BMP6: variants seen among roughly 807,000 people sequenced by gnomAD.
The protein encoded by BMP6 is VG-1-R.
A neutral mutation model predicts 54.1 loss-of-function variants in BMP6; 17 were observed. That is an observed-to-expected ratio of 0.31 (90% CI 0.22 to 0.47). The LOEUF is 0.47. Among genes scored for constraint, BMP6 ranks in the 20% least tolerant of loss-of-function variants. The pLI is 1.00. For synonymous variants in BMP6, 328 were observed against 291.2 expected (o/e 1.13, Z -1.28); for missense variants, 720 against 690.4 (o/e 1.04, Z -0.48).
chr6:7,861,385 C>T, intron 2 of BMP6, 66 bp from the exon 3 acceptor site: 1 of 1,577,702 alleles, frequency 6.3e-7, no homozygotes, highest in South Asian at 1.2e-5. Flanking sequence ...GACGCTGAGA[C>T]AGGAAAGAGT....
intron 1 of BMP6, among the ~76,000 whole-genome samples, chr6:7,798,977 T>C (rs1758231990): frequency 1.3e-5 from 2 of 152,238 alleles, no homozygotes; most frequent in Admixed American, 6.5e-5. Flanking sequence ...TTACATCATT[T>C]TTAATTATTA....
At chr6:7,793,694 G>C (rs1758146603) in intron 1 of BMP6, among the ~76,000 whole-genome samples, 1 of 152,184 alleles carries the variant, frequency 6.6e-6, no homozygotes, top group Non-Finnish European at 1.5e-5. Flanking sequence ...TGCTCTAAAA[G>C]ATAAAGCCTA....
chr6:7,878,101 C>G (rs1457627245), intron 4 of BMP6, among the ~76,000 whole-genome samples: 1 of 152,146 alleles, frequency 6.6e-6, no homozygotes, highest in Non-Finnish European at 1.5e-5. Context: ...TCCTCTCACT[C>G]CCACTCTGAA....
chr6:7,748,507 G>C (rs1261777976), intron 1 of BMP6, among the ~76,000 whole-genome samples: 1 of 152,194 alleles, frequency 6.6e-6, no homozygotes, highest in Non-Finnish European at 1.5e-5. Flanking sequence ...ATATATGATG[G>C]ACCCTCTGGC....
intron 1 of BMP6, among the ~76,000 whole-genome samples, chr6:7,771,037 G>A (rs1325738138): frequency 6.6e-6 from 1 of 152,268 alleles, no homozygotes; most frequent in East Asian, 1.9e-4. Flanking sequence ...TTCAAGACTG[G>A]GTATAACTGA....
chr6:7,774,212 C>T (rs941000534), intron 1 of BMP6, among the ~76,000 whole-genome samples: 2 of 152,200 alleles, frequency 1.3e-5, no homozygotes, highest in African/African-American at 4.8e-5. Context: ...AGAGAAAATT[C>T]TCAGGTTGCT....
At position 7,880,465 on chromosome 6, in the gene BMP6, G is replaced by A. The variant is rs182720780; in HGVS notation, c.*122G>A. The A allele has an allele frequency of 3.0e-6, 4 of 1,318,984 alleles. No individual in the cohort carries two copies. The highest frequency in any genetic ancestry group is 4.2e-6 in the Non-Finnish European group (4 of 948,990). 81.7% of individuals were successfully genotyped at this position (1,318,984 alleles called of 1,614,324 possible). On this transcript the variant is annotated 3_prime_UTR_variant, in exon 7 of 7. Coordinates refer to ENST00000283147, the MANE Select transcript of BMP6 (RefSeq NM_001718.6). ...GAGACTTTGAAACTATCTCATGCCAGTGCCTTATTACCCAGGAAGATTTTA... is the reference window on the plus strand; with the variant it reads ...GAGACTTTGAAACTATCTCATGCCAATGCCTTATTACCCAGGAAGATTTTA...
Position 7,854,273 on chromosome 6 carries a change from C to T in BMP6, c.858-7178C>T, listed in dbSNP as rs756388798. 9.7e-4 allele frequency among the ~76,000 whole-genome samples: 148 copies of T among 152,040 alleles called. 7 individuals are homozygous for T. The highest frequency in any genetic ancestry group is 7.2e-4 in the African/African-American group (30 of 41,392). ...CAGCTTTGTGGGAGGCAGGCCATGC[C>T]GGTGGTTAAGATTACTTTGTAACCC... On this transcript the variant is annotated intron_variant, in intron 2 of 6. Transcript: ENST00000283147.
chr6:7,728,734 G>A (rs1177002237), intron 1 of BMP6, among the ~76,000 whole-genome samples: 1 of 152,202 alleles, frequency 6.6e-6, no homozygotes, highest in Non-Finnish European at 1.5e-5. Context: ...GGCTTCACGG[G>A]CCTCCTTCCC....
At chr6:7,787,338 T>G (rs1758034770) in intron 1 of BMP6, among the ~76,000 whole-genome samples, 1 of 152,174 alleles carries the variant, frequency 6.6e-6, no homozygotes, top group Non-Finnish European at 1.5e-5. Flanking sequence ...CTAAAACAGT[T>G]ATCAAGTATT....
chr6:7,857,831 G>T (rs1759271747), intron 2 of BMP6, among the ~76,000 whole-genome samples: 2 of 152,162 alleles, frequency 1.3e-5, no homozygotes, highest in Admixed American at 1.3e-4. Flanking sequence ...AAGCTTTGAG[G>T]GTGAGCCCAT....
chr6:7,774,350 G>A (rs1479179671), intron 1 of BMP6, among the ~76,000 whole-genome samples: 1 of 152,188 alleles, frequency 6.6e-6, no homozygotes, highest in Non-Finnish European at 1.5e-5. Context: ...AGGAGTTTGA[G>A]ACCATCCTGA....
chr6:7,857,974 G>T (rs993374803), intron 2 of BMP6, among the ~76,000 whole-genome samples: 2 of 152,140 alleles, frequency 1.3e-5, no homozygotes, highest in African/African-American at 4.8e-5. Flanking sequence ...GAGGGTCACT[G>T]GGGCTCCACC....
At chr6:7,801,197 T>C (rs1174737469) in intron 1 of BMP6, among the ~76,000 whole-genome samples, 1 of 152,222 alleles carries the variant, frequency 6.6e-6, no homozygotes, top group Admixed American at 6.5e-5. Context: ...ACAGCATTTA[T>C]TAACTTGAAC....
intron 1 of BMP6, among the ~76,000 whole-genome samples, chr6:7,819,434 C>T (rs1758575084): frequency 6.6e-6 from 1 of 151,980 alleles, no homozygotes; most frequent in African/African-American, 2.4e-5. Flanking sequence ...GATTGCATGG[C>T]TGATAACAGT....
intron 1 of BMP6, among the ~76,000 whole-genome samples, chr6:7,777,382 G>T (rs1757877361): frequency 6.6e-6 from 1 of 152,136 alleles, no homozygotes; most frequent in East Asian, 1.9e-4. Flanking sequence ...TATGCACTGT[G>T]GTTTTCAAAA....
chr6:7,813,158 G>T (rs1286958848), intron 1 of BMP6, among the ~76,000 whole-genome samples: 3 of 97,488 alleles, frequency 3.1e-5, no homozygotes, highest in Non-Finnish European at 5.8e-5. Flanking sequence ...TAAAATTAGT[G>T]GGCATGGTAG....
intron 1 of BMP6, among the ~76,000 whole-genome samples, chr6:7,806,577 C>T (rs1207002054): frequency 2.0e-5 from 3 of 151,578 alleles, no homozygotes; most frequent in Non-Finnish European, 4.4e-5. Flanking sequence ...TCTGCTGATC[C>T]TGACAACCAG....
At chr6:7,842,606 T>C (rs1475972830) in intron 1 of BMP6, among the ~76,000 whole-genome samples, 1 of 152,214 alleles carries the variant, frequency 6.6e-6, no homozygotes, top group Admixed American at 6.5e-5. Flanking sequence ...TTGAAGACTT[T>C]CGTTCTGTTG....
Sources: allele counts gnomAD v4.1 joint callset (sites outside exome capture counted in the v4.1 genomes callset), GRCh38; gene constraint gnomAD v4.1.1; transcripts MANE v1.5; gene names NCBI Gene and HGNC (gene_info 2026-07-23, HGNC 2026-07-21).